Variants in CAST observed in about 807,000 individuals in gnomAD.
CAST encodes the protein calpastatin, also known as MIR583 host.
Under a neutral mutation model 119.6 loss-of-function variants are expected in CAST, and 76 were observed. The observed-to-expected ratio is 0.64, with a 90% CI of 0.53 to 0.77. The LOEUF (loss-of-function observed/expected upper bound fraction) is 0.77, where lower values mean the gene tolerates loss of function less well. CAST is among the 30% of genes least tolerant of loss of function. The pLI is 0.00. For missense variants in CAST, 953 were observed against 946.5 expected, an observed-to-expected ratio of 1.01 and a Z score of -0.09; for synonymous variants, 319 against 331.6, an observed-to-expected ratio of 0.96 and a Z score of 0.41.
intron 1 of CAST, among the ~76,000 whole-genome samples, chr5:96,583,933 A>G (rs1205696271): frequency 6.6e-6 from 1 of 152,234 alleles, no homozygotes; most frequent in Non-Finnish European, 1.5e-5. Context: ...CTCCAAGTCC[A>G]GTACCCTTTC....
intron 1 of CAST, chr5:96,663,173 A>G (rs1239539402): frequency 8.5e-6 from 6 of 702,584 alleles, no homozygotes; most frequent in Non-Finnish European, 1.6e-5. Context: ...GACGGTAAAT[A>G]GGAGCGGTTG....
At chr5:96,433,255 C>T in the CAST span, 1 of 589,792 alleles carries the variant, frequency 1.7e-6, no homozygotes, top group Admixed American at 2.9e-5. Context: ...GAGTGGAGCC[C>T]CAGCCCTTCC....
At chr5:96,063,480 C>T in the CAST span, among the ~76,000 whole-genome samples, 1 of 152,152 alleles carries the variant, frequency 6.6e-6, no homozygotes. Flanking sequence ...TGTGCTCCTC[C>T]ATAGTTGTTG....
chr5:96,622,589 G>A (rs961925267), intron 1 of CAST, among the ~76,000 whole-genome samples: 2 of 152,038 alleles, frequency 1.3e-5, no homozygotes, highest in Admixed American at 6.5e-5. Flanking sequence ...CTGGTGAGCA[G>A]CCCCACATTG....
At chr5:96,173,956 A>T in the CAST span, among the ~76,000 whole-genome samples, 1 of 152,006 alleles carries the variant, frequency 6.6e-6, no homozygotes, top group Non-Finnish European at 1.5e-5. Flanking sequence ...GTTAGCCAGG[A>T]TGGTCTCGAT....
At chr5:95,983,987 T>A in the CAST span, among the ~76,000 whole-genome samples, 9 of 152,126 alleles carry the variant, frequency 5.9e-5, no homozygotes, top group African/African-American at 9.7e-5. Context: ...GGGAAGGCTT[T>A]ATAGGAAAAA....
the CAST span, among the ~76,000 whole-genome samples, chr5:95,976,617 G>A: frequency 6.6e-6 from 1 of 151,838 alleles, no homozygotes; most frequent in Non-Finnish European, 1.5e-5. Context: ...TTTATTTATT[G>A]GTTTTGACAT....
the CAST span, among the ~76,000 whole-genome samples, chr5:96,389,708 G>C: frequency 6.6e-6 from 1 of 152,142 alleles, no homozygotes; most frequent in East Asian, 1.9e-4. Flanking sequence ...GGCTGGGGCA[G>C]GTGGATCACC....
chr5:96,425,020 G>GA, the CAST span, among the ~76,000 whole-genome samples: 76 of 59,092 alleles, frequency 1.3e-3, no homozygotes, highest in African/African-American at 2.8e-3. Context: ...AAGAAAGAAA[G>GA]AAAGAAAGAA....
the CAST span, among the ~76,000 whole-genome samples, chr5:96,453,330 A>G: frequency 6.6e-6 from 1 of 152,226 alleles, no homozygotes; most frequent in East Asian, 1.9e-4. Context: ...TGTATAAGCA[A>G]TAAGATTTAC....
the CAST span, among the ~76,000 whole-genome samples, chr5:96,143,041 G>A: frequency 1.3e-5 from 2 of 152,162 alleles, no homozygotes; most frequent in East Asian, 3.8e-4. Context: ...ACGTTACAAT[G>A]TCTGAGTTTC....
chr5:96,259,428 A>G, the CAST span, among the ~76,000 whole-genome samples: 1 of 152,270 alleles, frequency 6.6e-6, no homozygotes, highest in Admixed American at 6.5e-5. Flanking sequence ...CATGACTCAG[A>G]GAACACTCTT....
chr5:96,766,213 A>G, intron 27 of CAST, 68 bp downstream of exon 27: 1 of 865,212 alleles, frequency 1.2e-6, no homozygotes, highest in South Asian at 1.4e-5. Context: ...CCTCCCTTGA[A>G]ATAAATAGTA....
At chr5:96,101,865 A>T in the CAST span, among the ~76,000 whole-genome samples, 1 of 152,212 alleles carries the variant, frequency 6.6e-6, no homozygotes, top group African/African-American at 2.4e-5. Flanking sequence ...CACCAGCAGG[A>T]GCAGGCTTCA....
intron 1 of CAST, among the ~76,000 whole-genome samples, chr5:96,552,591 A>G (rs772693698): frequency 6.6e-6 from 1 of 152,220 alleles, no homozygotes; most frequent in Non-Finnish European, 1.5e-5. Flanking sequence ...AAGGAGATAG[A>G]GACACAAAAA....
At chr5:96,278,455 G>A in the CAST span, 5 of 152,154 alleles carry the variant, frequency 3.3e-5, no homozygotes, top group African/African-American at 1.2e-4. Context: ...CCTGGTAAAT[G>A]GAATGGGGAA....
chr5:96,332,238 A>G, the CAST span, among the ~76,000 whole-genome samples: 1 of 152,156 alleles, frequency 6.6e-6, no homozygotes, highest in Non-Finnish European at 1.5e-5. Context: ...TTATTATAAG[A>G]CCATGTTTCA....
rs567229864 is a variant in CAST, at chr5:96,765,374, A to G, written c.2037+49A>G. 26 of 898,134 alleles carry G rather than the reference A, an allele frequency of 2.9e-5. No individual in the cohort carries two copies. The African/African-American group carries it at 4.5e-4, about 16-fold the overall frequency. 55.6% of individuals were successfully genotyped at this position (898,134 alleles called of 1,614,324 possible). A position where few individuals can be genotyped will look rare whatever the true frequency, so the allele number is the denominator to read the frequency against. Reference sequence around the variant, plus strand: ...AAAAATTCACTAATAGTGAAATTTTAATCCTTGGGTCTTGACTCTGTCATT... The same window carrying G: ...AAAAATTCACTAATAGTGAAATTTTGATCCTTGGGTCTTGACTCTGTCATT... On this transcript the variant is annotated intron_variant, in intron 26 of 31. Coordinates refer to ENST00000675179, the MANE Select transcript of CAST (RefSeq NM_001750.7).
chr5:96,214,936 C>G, the CAST span: 1 of 152,116 alleles, frequency 6.6e-6, no homozygotes, highest in Non-Finnish European at 1.5e-5. Context: ...TAGTGTAATT[C>G]CACATTCTTG....
Sources: gnomAD v4.1 joint callset for allele counts (sites outside exome capture counted in the v4.1 genomes callset) on GRCh38, gnomAD v4.1.1 for gene constraint, MANE v1.5 for transcripts, NCBI Gene and HGNC (gene_info 2026-07-23, HGNC 2026-07-21) for gene names.